The following TNKS variants were observed in gnomAD, a reference collection of about 807,000 sequenced individuals.
The protein encoded by TNKS is tankyrase.
TNKS carries 72 observed loss-of-function variants against 135.8 expected under a neutral mutation model. That is an observed-to-expected ratio of 0.53 (90% CI 0.44 to 0.64). TNKS has a LOEUF of 0.64. TNKS is among the 30% of genes least tolerant of loss of function. TNKS has a pLI of 0.00. For synonymous variants in TNKS, 849 were observed against 649.3 expected (o/e 1.31, Z -4.68); for missense variants, 1,769 against 1,674.0 (o/e 1.06, Z -0.99).
chr8:9,773,782 G>C (rs1047345275), intron 26 of TNKS, among the ~76,000 whole-genome samples: 1 of 152,042 alleles, frequency 6.6e-6, no homozygotes, highest in Non-Finnish European at 1.5e-5. Flanking sequence ...TTCCGGGGAG[G>C]ATAATTGCTC....
At chr8:9,671,736 A>T (rs944396659) in intron 3 of TNKS, among the ~76,000 whole-genome samples, 1 of 152,222 alleles carries the variant, frequency 6.6e-6, no homozygotes, top group Non-Finnish European at 1.5e-5. Context: ...AGGTGAATTT[A>T]ACTATATGTA....
intron 5 of TNKS, among the ~76,000 whole-genome samples, chr8:9,692,380 C>T (rs914594575): frequency 6.6e-6 from 1 of 152,150 alleles, no homozygotes; most frequent in Non-Finnish European, 1.5e-5. Flanking sequence ...GTCATTTTAA[C>T]CAGAAGACAA....
Position 9,584,088 on chromosome 8 carries a change from C to T in TNKS, c.898+3705C>T, listed in dbSNP as rs567952978. Among the ~76,000 whole-genome samples the T allele has an allele frequency of 3.4e-5, 5 of 149,196 alleles. No individual in the cohort carries two copies. The East Asian group carries it at 6.1e-4, about 18-fold the overall frequency. ...CTGAGGCAGGAGAATGGCGTGAACC[C>T]GGGATGGGGAGCTTGCAGTGAGCCG... is the stretch of plus-strand genomic sequence containing the variant. On this transcript the variant is annotated intron_variant, in intron 2 of 26. Coordinates refer to ENST00000310430, the MANE Select transcript of TNKS (RefSeq NM_003747.3).
intron 2 of TNKS, among the ~76,000 whole-genome samples, chr8:9,586,893 G>T: frequency 6.6e-6 from 1 of 152,010 alleles, no homozygotes; most frequent in South Asian, 2.1e-4. Flanking sequence ...GTGGTCTGCT[G>T]CGAAGAACAA....
intron 3 of TNKS, among the ~76,000 whole-genome samples, chr8:9,630,053 A>C (rs1402811998): frequency 6.6e-6 from 1 of 152,136 alleles, no homozygotes; most frequent in Non-Finnish European, 1.5e-5. Context: ...CTGACCTCTC[A>C]AATGGGCTAG....
chr8:9,620,146 C>G (rs1799811360), intron 3 of TNKS, among the ~76,000 whole-genome samples: 1 of 152,092 alleles, frequency 6.6e-6, no homozygotes. Flanking sequence ...GATGGACTTT[C>G]ACCACTTTGG....
chr8:9,765,776 A>G lies in TNKS; in HGVS notation c.3532A>G (p.Asn1178Asp). Residue 1178 changes from asparagine to aspartate, a missense_variant, in exon 24 of 27, where the codon AAT becomes GAT. By Grantham distance (23) the Asn-to-Asp change is conservative. Coordinates refer to ENST00000310430, the MANE Select transcript of TNKS (RefSeq NM_003747.3). The stretch of plus-strand genomic sequence containing the variant: ...GTCTGAGGAGAATCACAACCATCAC[A>G]ATGAGCGCATGTTGTTTCATGGTAA... Reference protein sequence around the residue: ...EVSEENHNHHNERMLFHGSPF... With the variant: ...EVSEENHNHHDERMLFHGSPF... 1 of 1,613,918 alleles carries G rather than the reference A, an allele frequency of 6.2e-7. No homozygotes were observed.
At chr8:9,588,517 C>T (rs755544516) in intron 2 of TNKS, among the ~76,000 whole-genome samples, 1 of 152,156 alleles carries the variant, frequency 6.6e-6, no homozygotes, top group Non-Finnish European at 1.5e-5. Flanking sequence ...ACCTCGTGAT[C>T]CGCCCACCTC....
chr8:9,586,936 G>T (rs1483582917), intron 2 of TNKS, among the ~76,000 whole-genome samples: 2 of 152,060 alleles, frequency 1.3e-5, no homozygotes, highest in African/African-American at 4.8e-5. Flanking sequence ...GGAGAGTACT[G>T]TTGGGTCTCC....
At chr8:9,700,982 G>T (rs563625696) in intron 5 of TNKS, among the ~76,000 whole-genome samples, 2 of 148,244 alleles carry the variant, frequency 1.3e-5, no homozygotes, top group Admixed American at 1.3e-4. Context: ...CGCCCAGGCT[G>T]CAGTGCAGTG....
At chr8:9,683,099 A>G (rs930648852) in intron 5 of TNKS, among the ~76,000 whole-genome samples, 18 of 152,054 alleles carry the variant, frequency 1.2e-4, no homozygotes, top group Non-Finnish European at 2.4e-4. Context: ...TGTGGTTTGA[A>G]TTGAATAATT....
At chr8:9,623,559 C>G (rs146447455) in intron 3 of TNKS, among the ~76,000 whole-genome samples, 2 of 151,874 alleles carry the variant, frequency 1.3e-5, no homozygotes, top group African/African-American at 2.4e-5. Flanking sequence ...CTAAGAAATG[C>G]TAACGAAGTG....
At chr8:9,574,804 A>G (rs1368921659) in intron 1 of TNKS, among the ~76,000 whole-genome samples, 2 of 152,132 alleles carry the variant, frequency 1.3e-5, no homozygotes, top group Admixed American at 6.5e-5. Flanking sequence ...CCAATGAACT[A>G]TGTATGAAAG....
At chr8:9,733,052 C>A (rs907470156) in intron 14 of TNKS, among the ~76,000 whole-genome samples, 1 of 152,064 alleles carries the variant, frequency 6.6e-6, no homozygotes, top group Admixed American at 6.5e-5. Flanking sequence ...ATATCCATCC[C>A]CAAGAAACTT....
intron 25 of TNKS, among the ~76,000 whole-genome samples, chr8:9,767,348 A>G (rs775404889): frequency 2.6e-5 from 4 of 152,172 alleles, no homozygotes; most frequent in Non-Finnish European, 4.4e-5. Flanking sequence ...GAAAAAATAC[A>G]AAAGAATTAT....
intron 1 of TNKS, among the ~76,000 whole-genome samples, chr8:9,564,693 A>G (rs920923391): frequency 2.6e-5 from 4 of 152,160 alleles, no homozygotes; most frequent in Admixed American, 6.5e-5. Flanking sequence ...GCTTATGTTT[A>G]TTCTTCTGAT....
At chr8:9,604,255 C>G (rs1319556967) in intron 2 of TNKS, among the ~76,000 whole-genome samples, 1 of 151,864 alleles carries the variant, frequency 6.6e-6, no homozygotes, top group Non-Finnish European at 1.5e-5. Context: ...GTTTTATTAC[C>G]TTTTGTACAT....
chr8:9,607,957 T>A (rs1036938585), intron 2 of TNKS, among the ~76,000 whole-genome samples: 1 of 151,852 alleles, frequency 6.6e-6, no homozygotes, highest in Non-Finnish European at 1.5e-5. Context: ...ATTTTAGTTT[T>A]AAGACAGGGT....
intron 22 of TNKS, among the ~76,000 whole-genome samples, chr8:9,764,015 A>T (rs916944337): frequency 6.6e-6 from 1 of 152,158 alleles, no homozygotes; most frequent in African/African-American, 2.4e-5. Flanking sequence ...GGAAGGCATC[A>T]TGGGGTCCGG....
Sources: gnomAD v4.1 joint callset for allele counts (sites outside exome capture counted in the v4.1 genomes callset) on GRCh38, gnomAD v4.1.1 for gene constraint, MANE v1.5 for transcripts, NCBI Gene and HGNC (gene_info 2026-07-23, HGNC 2026-07-21) for gene names.